The following ATP2B1 variants were observed in gnomAD, a reference collection of about 807,000 sequenced individuals.
ATP2B1 encodes the protein ATPase plasma membrane Ca2+ transporting 1, also known as plasma membrane calcium-transporting ATPase 1.
Under a neutral mutation model 124.2 loss-of-function variants are expected in ATP2B1, and 14 were observed. The observed-to-expected ratio is 0.11, with a 90% CI of 0.07 to 0.18. The LOEUF is 0.18. Ranked by LOEUF, ATP2B1 falls within the 10% of genes least tolerant of loss-of-function variation. ATP2B1 has a pLI of 1.00. For missense variants in ATP2B1, 763 were observed against 1,466.1 expected (o/e 0.52, Z 7.83); for synonymous variants, 449 against 492.4 (o/e 0.91, Z 1.17).
chr12:89,653,275 ATTTT>A (rs1047635297), intron 2 of ATP2B1, among the ~76,000 whole-genome samples: 3 of 138,690 alleles, frequency 2.2e-5, no homozygotes, highest in Non-Finnish European at 4.6e-5. Flanking sequence ...TTCACATAGA[ATTTT>A]TTTCTTTTTT....
chr12:89,625,202 G>A (rs1880649035), intron 8 of ATP2B1, among the ~76,000 whole-genome samples: 2 of 151,842 alleles, frequency 1.3e-5, no homozygotes, highest in South Asian at 4.1e-4. Context: ...GGAGGCAGAG[G>A]TTGCAGTGAG....
chr12:89,613,973 G>A (rs756945854), intron 12 of ATP2B1, among the ~76,000 whole-genome samples: 1 of 152,046 alleles, frequency 6.6e-6, no homozygotes, highest in African/African-American at 2.4e-5. Flanking sequence ...ATATTACATC[G>A]TCTCAATTTA....
At chr12:89,633,065 G>C (rs1363473476) in intron 5 of ATP2B1, among the ~76,000 whole-genome samples, 2 of 152,162 alleles carry the variant, frequency 1.3e-5, no homozygotes, top group Non-Finnish European at 2.9e-5. Flanking sequence ...ATCTGTGATG[G>C]TAAGGTATGA....
chr12:89,648,982 A>C (rs2136301152), intron 2 of ATP2B1, among the ~76,000 whole-genome samples: 1 of 152,388 alleles, frequency 6.6e-6, no homozygotes, highest in South Asian at 2.1e-4. Flanking sequence ...GCAGATACTC[A>C]GAATTCAAGT....
chr12:89,692,669 C>G (rs1890685249), intron 1 of ATP2B1, among the ~76,000 whole-genome samples: 1 of 152,226 alleles, frequency 6.6e-6, no homozygotes, highest in Admixed American at 6.5e-5. Context: ...TTTTGAACTT[C>G]GTGTGGTAGG....
In ATP2B1 at chr12:89,599,254, C is replaced by T; in HGVS notation, c.3214G>A (p.Ala1072Thr). The T allele has an allele frequency of 6.2e-7, 1 of 1,614,134 alleles. No homozygotes were observed. The highest frequency in any genetic ancestry group is 8.5e-7 in the Non-Finnish European group (1 of 1,180,004). ...PTSRLKFLKE[A>T]GHGTQKEEIP... The stretch of plus-strand genomic sequence containing the variant: ...TCTTCCTTTTGTGTTCCATGACCAG[C>T]TTCTTTGAGGAATTTTAAACGGCTA... Residue 1072 changes from alanine to threonine, a missense_variant, in exon 20 of 21, where the codon GCT becomes ACT. Around this residue, in one of 7 missense-constraint regions of ATP2B1, gnomAD observed 118 missense variants for 240.3 expected, o/e 0.49. Transcript: ENST00000428670.
chr12:89,621,529 AATT>A lies in ATP2B1; in HGVS notation c.1587+17_1587+19del. ...ATAGATTTAAAAATTAATTTTCATA[AATT>A]ATTTCAAAAACCTTACCAATATTTT... On this transcript the variant is annotated intron_variant, in intron 10 of 20. Coordinates refer to ENST00000428670, the MANE Select transcript of ATP2B1 (RefSeq NM_001366521.1). The A allele has an allele frequency of 6.8e-7, 1 of 1,461,808 alleles. No homozygotes were observed. The highest frequency in any genetic ancestry group is 9.2e-7 in the Non-Finnish European group (1 of 1,084,364). 90.6% of individuals were successfully genotyped at this position (1,461,808 alleles called of 1,614,324 possible). A position where few individuals can be genotyped will look rare whatever the true frequency, so the allele number is the denominator to read the frequency against.
At chr12:89,602,956 C>T in intron 18 of ATP2B1, 87 bp downstream of exon 18, 1 of 1,182,098 alleles carries the variant, frequency 8.5e-7, no homozygotes, top group Non-Finnish European at 1.2e-6. Flanking sequence ...CACACATGTT[C>T]CACACAAGTG....
intron 1 of ATP2B1, among the ~76,000 whole-genome samples, chr12:89,677,154 A>C (rs1181657487): frequency 6.6e-6 from 1 of 152,146 alleles, no homozygotes; most frequent in Non-Finnish European, 1.5e-5. Context: ...AGCAGACAGA[A>C]GCTTCCTTTG....
At chr12:89,652,151 G>C (rs1205038114) in intron 2 of ATP2B1, among the ~76,000 whole-genome samples, 2 of 152,110 alleles carry the variant, frequency 1.3e-5, no homozygotes, top group African/African-American at 4.8e-5. Flanking sequence ...GTGAAAATTA[G>C]GCAGAGATAT....
intron 6 of ATP2B1, 117 bp downstream of exon 6, chr12:89,630,388 C>A: frequency 1.0e-6 from 1 of 966,686 alleles, no homozygotes; most frequent in South Asian, 2.7e-5. Flanking sequence ...ATAGAAAAAT[C>A]TTCTTTTAAC....
chr12:89,657,656 T>TA (rs1284816635), intron 1 of ATP2B1, among the ~76,000 whole-genome samples: 15 of 152,228 alleles, frequency 9.9e-5, no homozygotes, highest in African/African-American at 3.6e-4. Flanking sequence ...GAGAATCAGT[T>TA]AGATTGCTGG....
chr12:89,635,551 G>T (rs1000005941), intron 3 of ATP2B1, among the ~76,000 whole-genome samples: 1 of 152,036 alleles, frequency 6.6e-6, no homozygotes, highest in Admixed American at 6.6e-5. Context: ...TTTGAGACTT[G>T]GTTTCTTCAT....
chr12:89,593,606 G>A (rs994981527), intron 20 of ATP2B1: 1 of 152,072 alleles, frequency 6.6e-6, no homozygotes, highest in African/African-American at 2.4e-5. Flanking sequence ...GAAGAAAAGT[G>A]TAAACTTAAG....
At chr12:89,652,277 T>C (rs1051086985) in intron 2 of ATP2B1, among the ~76,000 whole-genome samples, 1 of 151,650 alleles carries the variant, frequency 6.6e-6, no homozygotes, top group Non-Finnish European at 1.5e-5. Context: ...TTACATAAAG[T>C]CTCTAAAATT....
chr12:89,680,168 G>A (rs886761846), intron 1 of ATP2B1, among the ~76,000 whole-genome samples: 1 of 152,072 alleles, frequency 6.6e-6, no homozygotes, highest in African/African-American at 2.4e-5. Flanking sequence ...GAAGAAAACA[G>A]AAAATGCAAA....
chr12:89,636,200 T>A (rs1041724011), intron 3 of ATP2B1, among the ~76,000 whole-genome samples: 1 of 149,598 alleles, frequency 6.7e-6, no homozygotes, highest in East Asian at 2.0e-4. Context: ...AGAATAGAGA[T>A]CAGAAAAGGA....
intron 15 of ATP2B1, among the ~76,000 whole-genome samples, chr12:89,606,426 T>A (rs1444913987): frequency 1.3e-5 from 2 of 152,216 alleles, no homozygotes. Context: ...TAGAACTACT[T>A]GACCTTTTAA....
chr12:89,697,782 G>C (rs1012332940), intron 1 of ATP2B1, among the ~76,000 whole-genome samples: 3 of 128,702 alleles, frequency 2.3e-5, no homozygotes, highest in Non-Finnish European at 4.7e-5. Flanking sequence ...TTTCTACTCT[G>C]AAGCAACTAG....
Sources: gnomAD v4.1 joint callset for allele counts (sites outside exome capture counted in the v4.1 genomes callset) on GRCh38, gnomAD v4.1.1 for gene constraint, gnomAD v4.1.1 regional missense constraint, MANE v1.5 for transcripts, NCBI Gene and HGNC (gene_info 2026-07-23, HGNC 2026-07-21) for gene names.